TNRC6A: variants seen among roughly 807,000 people sequenced by gnomAD.
TNRC6A encodes trinucleotide repeat containing adaptor 6A.
Under a neutral mutation model 221.2 loss-of-function variants are expected in TNRC6A, and 44 were observed. That is an observed-to-expected ratio of 0.20 (90% CI 0.16 to 0.26). The LOEUF (loss-of-function observed/expected upper bound fraction) is 0.26, where lower values mean the gene tolerates loss of function less well. TNRC6A is among the 10% of genes least tolerant of loss of function. TNRC6A has a pLI of 1.00. For synonymous variants in TNRC6A, 847 were observed against 838.5 expected, an observed-to-expected ratio of 1.01 and a Z score of -0.18; for missense variants, 2,199 against 2,404.4, an observed-to-expected ratio of 0.91 and a Z score of 1.79.
At chr16:24,715,229 T>C (rs1042435312) in intron 2 of TNRC6A, among the ~76,000 whole-genome samples, 4 of 152,120 alleles carry the variant, frequency 2.6e-5, no homozygotes, top group African/African-American at 9.7e-5. Context: ...ATCCCTTCCT[T>C]TTAAAACTTT....
At chr16:24,629,685 A>G (rs1901232814) in intron 1 of TNRC6A, among the ~76,000 whole-genome samples, 1 of 152,164 alleles carries the variant, frequency 6.6e-6, no homozygotes, top group Non-Finnish European at 1.5e-5. Context: ...TAATTGTAGT[A>G]AAATACACAT....
intron 2 of TNRC6A, among the ~76,000 whole-genome samples, chr16:24,651,538 CAAAAA>C (rs768568973): frequency 1.0e-4 from 5 of 48,756 alleles, no homozygotes; most frequent in African/African-American, 1.9e-4. Flanking sequence ...AACTCCATCT[CAAAAA>C]AAAAAAAAAA....
chr16:24,792,992 T>C (rs1397179366), intron 6 of TNRC6A, among the ~76,000 whole-genome samples: 1 of 152,138 alleles, frequency 6.6e-6, no homozygotes, highest in Non-Finnish European at 1.5e-5. Flanking sequence ...TTTTGCCATG[T>C]TGCCCAGGCT....
chr16:24,805,484 T>TA, intron 14 of TNRC6A, 121 bp from the exon 15 acceptor site: 1 of 1,389,352 alleles, frequency 7.2e-7, no homozygotes, highest in Non-Finnish European at 9.8e-7. Flanking sequence ...AGACAAAGAC[T>TA]ATAACCCCCA....
Position 24,815,287 on chromosome 16 carries a change from A to T in TNRC6A, c.4813A>T (p.Ser1605Cys). 1 of 1,614,232 alleles carries T rather than the reference A, an allele frequency of 6.2e-7. No individual in the cohort carries two copies. Among genetic ancestry groups the T allele is most frequent in the Non-Finnish European group, 8.5e-7 (1 of 1,180,038 alleles). The change falls in exon 19 of 25, where the codon AGT (serine) becomes TGT (cysteine). Residue 1605 changes from serine to cysteine, a missense_variant. Physicochemically the swap from Ser to Cys is moderately radical, Grantham distance 112. Around this residue, in one of 8 missense-constraint regions of TNRC6A, gnomAD observed 449 missense variants for 579.7 expected, o/e 0.77. Coordinates refer to ENST00000395799, the MANE Select transcript of TNRC6A (RefSeq NM_014494.4). ...PRAKSPNGSS[S>C]VNWPPEFRPG... is the part of the protein sequence containing the mutation. ...TGCCAAATCGCCTAACGGCTCTAGCAGTGTTAATTGGCCACCAGGTAAAAT... is the reference window on the plus strand; with the variant it reads ...TGCCAAATCGCCTAACGGCTCTAGCTGTGTTAATTGGCCACCAGGTAAAAT...
intron 2 of TNRC6A, among the ~76,000 whole-genome samples, chr16:24,741,494 GT>G (rs891377011): frequency 6.6e-6 from 1 of 152,100 alleles, no homozygotes; most frequent in African/African-American, 2.4e-5. Flanking sequence ...GTGTAGTCCT[GT>G]TTGTTGCTAG....
intron 2 of TNRC6A, among the ~76,000 whole-genome samples, chr16:24,724,048 T>A (rs2151102993): frequency 6.6e-6 from 1 of 152,340 alleles, no homozygotes; most frequent in Non-Finnish European, 1.5e-5. Flanking sequence ...CTCTTTTATA[T>A]CAGAGATGTC....
intron 2 of TNRC6A, among the ~76,000 whole-genome samples, chr16:24,652,169 G>A (rs1368508009): frequency 2.0e-5 from 3 of 151,796 alleles, no homozygotes; most frequent in Non-Finnish European, 4.4e-5. Flanking sequence ...TAAGAAGAAC[G>A]CATGTATGTA....
intron 1 of TNRC6A, among the ~76,000 whole-genome samples, chr16:24,627,543 G>A (rs1901085698): frequency 6.6e-6 from 1 of 151,960 alleles, no homozygotes; most frequent in Non-Finnish European, 1.5e-5. Flanking sequence ...TTTCCCGCAG[G>A]CTTCCTTGGG....
At chr16:24,675,706 A>C (rs368943098) in intron 2 of TNRC6A, among the ~76,000 whole-genome samples, 5,588 of 40,168 alleles carry the variant, frequency 0.14, 121 homozygotes, top group Non-Finnish European at 0.15. Context: ...CTCTCTCTAT[A>C]TATATATATA....
intron 4 of TNRC6A, among the ~76,000 whole-genome samples, chr16:24,758,790 G>A (rs1333188605): frequency 6.6e-6 from 1 of 152,012 alleles, no homozygotes; most frequent in South Asian, 2.1e-4. Flanking sequence ...TAGACAGATA[G>A]TGACATCCAT....
At chr16:24,661,929 A>G (rs1233086843) in intron 2 of TNRC6A, 1 of 152,156 alleles carries the variant, frequency 6.6e-6, no homozygotes, top group Non-Finnish European at 1.5e-5. Flanking sequence ...TTAAAAACAT[A>G]TGTACTCTGT....
At chr16:24,806,902 T>A (rs1304967861) in intron 17 of TNRC6A, 118 bp downstream of exon 17, 1 of 980,886 alleles carries the variant, frequency 1.0e-6, no homozygotes, top group Non-Finnish European at 1.5e-6. Context: ...CTCTTAGCTG[T>A]TCCCTCTCAG....
At chr16:24,701,168 A>G (rs9302425) in intron 2 of TNRC6A, among the ~76,000 whole-genome samples, 80,104 of 151,986 alleles carry the variant, frequency 0.53, 23,367 homozygotes, top group East Asian at 0.8. Context: ...GAAAGAATTG[A>G]GGTTGTGTGG....
intron 2 of TNRC6A, among the ~76,000 whole-genome samples, chr16:24,653,242 T>G (rs1423309655): frequency 3.3e-5 from 5 of 152,124 alleles, no homozygotes; most frequent in Non-Finnish European, 7.3e-5. Context: ...AGCGTTCACC[T>G]CAGAAAAGAC....
rs144037145 is a variant in TNRC6A at position 24,786,515 on chromosome 16, C to T, written c.590-2717C>T. ...TTTTTTTGTAGAGATGGGCTTTCTC[C>T]GTGTTAGCCAGGATGGTCTCGATCT... On this transcript the variant is annotated intron_variant, in intron 5 of 24. Coordinates refer to ENST00000395799, the MANE Select transcript of TNRC6A (RefSeq NM_014494.4). 1.9e-3 allele frequency among the ~76,000 whole-genome samples: 284 copies of T among 151,604 alleles called. 1 individual carries two copies. Among genetic ancestry groups the T allele is most frequent in the African/African-American group, 6.6e-3 (272 of 41,334 alleles).
chr16:24,710,796 C>T (rs569505569), intron 2 of TNRC6A, among the ~76,000 whole-genome samples: 1 of 151,622 alleles, frequency 6.6e-6, no homozygotes, highest in South Asian at 2.1e-4. Context: ...ACTGCAACCT[C>T]CGCCTCCCGA....
chr16:24,733,556 ATAAAAGGGCATTG>A (rs1345818752), intron 2 of TNRC6A, among the ~76,000 whole-genome samples: 1 of 152,232 alleles, frequency 6.6e-6, no homozygotes, highest in Non-Finnish European at 1.5e-5. Flanking sequence ...TGAAAGGCAG[ATAAAAGGGCATTG>A]TAAGAACAAC....
At chr16:24,732,642 C>T (rs2056671494) in intron 2 of TNRC6A, among the ~76,000 whole-genome samples, 1 of 152,112 alleles carries the variant, frequency 6.6e-6, no homozygotes, top group South Asian at 2.1e-4. Context: ...TAGGCGGGAC[C>T]CACAGATGCA....
Sources: gnomAD v4.1 joint callset for allele counts (sites outside exome capture counted in the v4.1 genomes callset) on GRCh38, gnomAD v4.1.1 for gene constraint, gnomAD v4.1.1 regional missense constraint, MANE v1.5 for transcripts, NCBI Gene and HGNC (gene_info 2026-07-23, HGNC 2026-07-21) for gene names.